Variants in BCL11B observed in about 807,000 individuals in gnomAD.
The protein encoded by BCL11B is BCL11 transcription factor B.
BCL11B carries 8 observed loss-of-function variants against 49.9 expected under a neutral mutation model. The observed-to-expected ratio is 0.16, with a 90% confidence interval of 0.09 to 0.29. The LOEUF is 0.29. BCL11B is among the 10% of genes least tolerant of loss of function. The pLI is 1.00. For synonymous variants in BCL11B, 739 were observed against 637.4 expected (o/e 1.16, Z -2.40); for missense variants, 1,006 against 1,351.0 (o/e 0.74, Z 4.00).
At chr14:99,201,671 T>C (rs1398768204) in intron 3 of BCL11B, among the ~76,000 whole-genome samples, 1 of 152,162 alleles carries the variant, frequency 6.6e-6, no homozygotes, top group Non-Finnish European at 1.5e-5. Flanking sequence ...CCCTGGCACA[T>C]CCCAGAAGTG....
intron 3 of BCL11B, among the ~76,000 whole-genome samples, chr14:99,180,229 C>T (rs807732): frequency 0.79 from 120,113 of 152,132 alleles, 47,597 homozygotes; most frequent in Non-Finnish European, 0.83. Flanking sequence ...AAGGCCTAGA[C>T]TATTTAGAAG....
At chr14:99,223,588 T>C (rs1360375395) in intron 3 of BCL11B, among the ~76,000 whole-genome samples, 2 of 152,216 alleles carry the variant, frequency 1.3e-5, no homozygotes, top group Non-Finnish European at 2.9e-5. Flanking sequence ...GTATGCCCCA[T>C]TTCCAGAAAC....
At chr14:99,234,010 G>A (rs1888414914) in intron 2 of BCL11B, among the ~76,000 whole-genome samples, 1 of 152,314 alleles carries the variant, frequency 6.6e-6, no homozygotes, top group East Asian at 1.9e-4. Context: ...CCCTTCCCAA[G>A]GGTGGAACTC....
chr14:99,188,694 T>C (rs1221027565), intron 3 of BCL11B, among the ~76,000 whole-genome samples: 5 of 152,210 alleles, frequency 3.3e-5, no homozygotes, highest in Admixed American at 1.3e-4. Context: ...GGGTGTGAAT[T>C]TCCTCTGCCC....
At chr14:99,215,412 C>A (rs1372183298) in intron 3 of BCL11B, among the ~76,000 whole-genome samples, 2 of 152,232 alleles carry the variant, frequency 1.3e-5, no homozygotes, top group African/African-American at 4.8e-5. Flanking sequence ...CTTATTTTCT[C>A]CATGGGGCGC....
chr14:99,261,948 C>T (rs1889349617), intron 1 of BCL11B, among the ~76,000 whole-genome samples: 1 of 152,120 alleles, frequency 6.6e-6, no homozygotes, highest in Non-Finnish European at 1.5e-5. Context: ...ATTTACAAGG[C>T]CAGGCCTCCT....
Position 99,257,563 on chromosome 14 carries a change from G to GGCTCGGACACTTTCCTGA in BCL11B, c.317_334dup (p.Leu106_Glu111dup), listed in dbSNP as rs1889204103. The GGCTCGGACACTTTCCTGA allele has an allele frequency of 6.8e-6, 11 of 1,613,946 alleles. No homozygotes were observed. The highest frequency in any genetic ancestry group is 1.7e-5 in the Admixed American group (1 of 60,000). On this transcript the variant is annotated inframe_insertion, in exon 2 of 4. Transcript: ENST00000357195. This position sits in a 1 kb window ranked among gnomAD's most constrained non-coding sequence, Gnocchi z 6.2. The stretch of plus-strand genomic sequence containing the variant: ...GGTGACTTGGATCCCGATCTCCACC[G>GGCTCGGACACTTTCCTGA]GCTCGGACACTTTCCTGAGCTCGGA...
intron 3 of BCL11B, among the ~76,000 whole-genome samples, chr14:99,226,462 G>A (rs539922121): frequency 6.6e-4 from 101 of 152,244 alleles, no homozygotes; most frequent in Non-Finnish European, 9.7e-4. Flanking sequence ...TCAAGGCGAC[G>A]CATCAGCAGG....
chr14:99,244,996 A>G (rs1888784474), intron 2 of BCL11B, among the ~76,000 whole-genome samples: 3 of 152,216 alleles, frequency 2.0e-5, no homozygotes, highest in South Asian at 4.1e-4. Context: ...CCTAGCCTGG[A>G]AAAGCTGTCA....
Position 99,175,231 on chromosome 14 carries a change from C to G in BCL11B, c.1605G>C (p.Glu535Asp), listed in dbSNP as rs1236845163. ...GCTCCTCCTCCTCCTCCTCCTCCTC[C>G]TCGTCCTCCTCCTCCGGCTCGTGGC... ...SLGHEPEEEDEEEEEEEEELL... is the reference protein window; with the variant it reads ...SLGHEPEEEDDEEEEEEEELL... Residue 535 changes from glutamate to aspartate, a missense_variant, in exon 4 of 4, where the codon GAG becomes GAC. Coordinates refer to ENST00000357195, the MANE Select transcript of BCL11B (RefSeq NM_138576.4). 4.5e-6 allele frequency: 7 copies of G among 1,548,064 alleles called. No homozygotes were observed. The highest frequency in any genetic ancestry group is 1.4e-5 in the African/African-American group (1 of 73,226).
chr14:99,207,020 T>C (rs1294896467), intron 3 of BCL11B, among the ~76,000 whole-genome samples: 1 of 152,212 alleles, frequency 6.6e-6, no homozygotes, highest in Admixed American at 6.5e-5. Flanking sequence ...TCCAAAACTC[T>C]CTATGCTGAA....
chr14:99,244,295 C>G (rs188314826), intron 2 of BCL11B, among the ~76,000 whole-genome samples: 1 of 151,708 alleles, frequency 6.6e-6, no homozygotes, highest in African/African-American at 2.4e-5. Context: ...AACAATTACC[C>G]CCCCCTCACA....
At chr14:99,258,219 C>T (rs1389538594) in intron 1 of BCL11B, among the ~76,000 whole-genome samples, 1 of 152,232 alleles carries the variant, frequency 6.6e-6, no homozygotes, top group Non-Finnish European at 1.5e-5. Context: ...TCAAAGTTTC[C>T]AGTATCTGAG....
rs375433500 is a variant in BCL11B, at chr14:99,174,640, T to A, written c.2196A>T (p.Ala732=). ...ACGACGTGGCGAAGGGCGACTGTCG[T>A]GCGTCCGTGAAGCCCAGGAAGGGGT... ...MKDPFLGFTD[A]RQSPFATSSE... is the part of the protein sequence containing the mutation. The change falls in exon 4 of 4, where the codon GCA becomes GCT. Residue 732 remains alanine (A), a synonymous_variant. Coordinates refer to ENST00000357195, the MANE Select transcript of BCL11B (RefSeq NM_138576.4). 3.8e-5 allele frequency: 60 copies of A among 1,574,364 alleles called. No homozygotes were observed. Among genetic ancestry groups the A allele is most frequent in the Non-Finnish European group, 5.1e-5 (59 of 1,164,226 alleles).
chr14:99,257,624 C>T lies in BCL11B; in HGVS notation c.274G>A (p.Ala92Thr). Reference protein sequence around the residue: ...GGSLGACYDKALDKDSPPPSS... With the variant: ...GGSLGACYDKTLDKDSPPPSS... ...GGTGGCGGGCTGTCCTTGTCCAGGG[C>T]CTTGTCATAGCAGGCACCCAAGCTG... The change falls in exon 2 of 4, where the codon GCC becomes ACC. Residue 92 changes from alanine to threonine, a missense_variant. Ala to Thr is a moderately conservative substitution (Grantham distance 58). This residue lies in a region of BCL11B where 411 missense variants were observed against 542.2 expected (regional missense o/e 0.76). Transcript: ENST00000357195. This position sits in a 1 kb window ranked among gnomAD's most constrained non-coding sequence, Gnocchi z 6.2. 1 of 1,613,806 alleles carries T rather than the reference C, an allele frequency of 6.2e-7. No individual in the cohort carries two copies. Among genetic ancestry groups the T allele is most frequent in the Non-Finnish European group, 8.5e-7 (1 of 1,179,782 alleles).
At position 99,257,418 on chromosome 14, in the gene BCL11B, T is replaced by C. The variant is rs1889197093; in HGVS notation, c.427+53A>G. On this transcript the variant is annotated intron_variant, in intron 2 of 3. Coordinates refer to ENST00000357195, the MANE Select transcript of BCL11B (RefSeq NM_138576.4). The surrounding 1 kb of genome is among the most constrained non-coding windows in gnomAD (Gnocchi z 6.2). Reference sequence around the variant, plus strand: ...CACCAGCACACTCAGGCAGAGGGCATGGGACCCAGGAGGTGGCTTCCACAG... The same window carrying C: ...CACCAGCACACTCAGGCAGAGGGCACGGGACCCAGGAGGTGGCTTCCACAG... 6.5e-7 allele frequency: 1 copy of C among 1,545,816 alleles called. No homozygotes were observed. Among genetic ancestry groups the C allele is most frequent in the Non-Finnish European group, 8.8e-7 (1 of 1,140,272 alleles).
chr14:99,201,107 G>T (rs1270910336), intron 3 of BCL11B, among the ~76,000 whole-genome samples: 1 of 152,212 alleles, frequency 6.6e-6, no homozygotes, highest in Non-Finnish European at 1.5e-5. Context: ...GATCAAAGCT[G>T]CAGAGGATCC....
intron 3 of BCL11B, among the ~76,000 whole-genome samples, chr14:99,223,744 G>A (rs1413917034): frequency 3.3e-5 from 5 of 152,146 alleles, no homozygotes; most frequent in Admixed American, 6.5e-5. Context: ...ATGCAGTCAG[G>A]CACCACTTGT....
chr14:99,175,318 C>G lies in BCL11B; in HGVS notation c.1518G>C (p.Ala506=), dbSNP rs774412075. 2 of 1,544,660 alleles carry G rather than the reference C, an allele frequency of 1.3e-6. No homozygotes were observed. Among genetic ancestry groups the G allele is most frequent in the South Asian group, 1.2e-5 (1 of 85,464 alleles). ...SSPEPGTSEL[A]GEGLKAADGD... is the part of the protein sequence containing the mutation. ...CGTCGGCCGCCTTGAGGCCCTCGCC[C>G]GCCAGCTCGCTGGTGCCGGGCTCGG... Residue 506 remains alanine (A), a synonymous_variant, in exon 4 of 4, where the codon GCG becomes GCC. Transcript: ENST00000357195.
Sources: gnomAD v4.1 joint callset for allele counts (sites outside exome capture counted in the v4.1 genomes callset) on GRCh38, gnomAD v4.1.1 for gene constraint, gnomAD v4.1.1 regional missense constraint, Gnocchi (gnomAD v3.1) non-coding constraint, MANE v1.5 for transcripts, NCBI Gene and HGNC (gene_info 2026-07-23, HGNC 2026-07-21) for gene names.